The following DTNB variants were observed in gnomAD, a reference collection of about 807,000 sequenced individuals.
DTNB encodes DTN-B.
DTNB carries 63 observed loss-of-function variants against 90.7 expected under a neutral mutation model. That is an observed-to-expected ratio of 0.69 (90% CI 0.57 to 0.86). The LOEUF (loss-of-function observed/expected upper bound fraction) is 0.86, where lower values mean the gene tolerates loss of function less well. DTNB is among the 40% of genes least tolerant of loss of function. The probability of loss-of-function intolerance (pLI) is 0.00; values close to 1 mark genes in which losing one functional copy is unlikely to be tolerated. For synonymous variants in DTNB, 277 were observed against 286.7 expected, an observed-to-expected ratio of 0.97 and a Z score of 0.34; for missense variants, 744 against 807.1, an observed-to-expected ratio of 0.92 and a Z score of 0.95.
chr2:25,415,014 G>A (rs970195879), intron 16 of DTNB, among the ~76,000 whole-genome samples: 1 of 152,170 alleles, frequency 6.6e-6, no homozygotes, highest in Non-Finnish European at 1.5e-5. Flanking sequence ...AGAAGGGAAA[G>A]AGGGGGGAAG....
intron 5 of DTNB, among the ~76,000 whole-genome samples, chr2:25,606,856 GTTA>G (rs2067222969): frequency 6.6e-6 from 1 of 152,154 alleles, no homozygotes; most frequent in Non-Finnish European, 1.5e-5. Flanking sequence ...GAAGAATGGA[GTTA>G]TTAAGAGCTA....
intron 9 of DTNB, among the ~76,000 whole-genome samples, chr2:25,498,847 CAAAA>C (rs34017287): frequency 1.5e-5 from 1 of 65,022 alleles, no homozygotes; most frequent in Non-Finnish European, 2.8e-5. Context: ...AACCCTGTCT[CAAAA>C]AAAAAAAAAA....
chr2:25,656,283 T>G (rs2082051863), intron 1 of DTNB, among the ~76,000 whole-genome samples: 3 of 152,236 alleles, frequency 2.0e-5, no homozygotes, highest in African/African-American at 7.2e-5. Context: ...CAGTCAAAGG[T>G]GACTCCATGC....
At chr2:25,660,636 T>C (rs991862714) in intron 1 of DTNB, among the ~76,000 whole-genome samples, 1 of 152,224 alleles carries the variant, frequency 6.6e-6, no homozygotes, top group Non-Finnish European at 1.5e-5. Flanking sequence ...TGCATAACCC[T>C]AAGGTAATCG....
At chr2:25,478,424 G>A (rs1016681305) in intron 10 of DTNB, among the ~76,000 whole-genome samples, 3 of 152,184 alleles carry the variant, frequency 2.0e-5, no homozygotes, top group African/African-American at 7.2e-5. Context: ...GGGAAGGCTT[G>A]TGTGTGTGCA....
At chr2:25,486,325 G>A (rs1407680433) in intron 9 of DTNB, among the ~76,000 whole-genome samples, 1 of 152,034 alleles carries the variant, frequency 6.6e-6, no homozygotes, top group Non-Finnish European at 1.5e-5. Context: ...TTAGCTGGGT[G>A]TGGCGGCGCA....
At chr2:25,494,088 G>A (rs2068211331) in intron 9 of DTNB, among the ~76,000 whole-genome samples, 2 of 152,154 alleles carry the variant, frequency 1.3e-5, no homozygotes, top group Non-Finnish European at 2.9e-5. Context: ...AGGTTGTGGG[G>A]GGAAGACAGT....
intron 8 of DTNB, among the ~76,000 whole-genome samples, chr2:25,554,562 A>G (rs2056947679): frequency 6.6e-6 from 1 of 152,148 alleles, no homozygotes; most frequent in Non-Finnish European, 1.5e-5. Flanking sequence ...CAAGGATTCC[A>G]CTCCTAAAAA....
At position 25,427,725 on chromosome 2, in the gene DTNB, C is replaced by A. The variant is rs540229842; in HGVS notation, c.1458-94G>T. Reference sequence around the variant, plus strand: ...ATTTCAGACCTGATCCTGCTACTTACCAGTTATGAGACGCTGAGCAAGTCA... The same window carrying A: ...ATTTCAGACCTGATCCTGCTACTTAACAGTTATGAGACGCTGAGCAAGTCA... On this transcript the variant is annotated intron_variant, in intron 14 of 20. Coordinates refer to ENST00000406818, the MANE Select transcript of DTNB (RefSeq NM_021907.5). 9.6e-5 allele frequency: 116 copies of A among 1,205,600 alleles called. No individual in the cohort carries two copies. In the African/African-American group the frequency reaches 1.7e-3, roughly 18 times the overall value. 74.7% of individuals were successfully genotyped at this position (1,205,600 alleles called of 1,614,324 possible). A position where few individuals can be genotyped will look rare whatever the true frequency, so the allele number is the denominator to read the frequency against.
intron 4 of DTNB, among the ~76,000 whole-genome samples, chr2:25,618,991 C>T (rs567419399): frequency 5.4e-4 from 82 of 152,280 alleles, no homozygotes; most frequent in African/African-American, 1.9e-3. Context: ...CTTCTGAAGC[C>T]TCTGAAGTCC....
chr2:25,467,031 C>T (rs1423105631), intron 10 of DTNB, among the ~76,000 whole-genome samples: 1 of 152,136 alleles, frequency 6.6e-6, no homozygotes, highest in Non-Finnish European at 1.5e-5. Context: ...GATAGTCCTT[C>T]TACCAGTTAC....
intron 10 of DTNB, among the ~76,000 whole-genome samples, chr2:25,480,914 C>T (rs1192472676): frequency 6.6e-6 from 1 of 152,116 alleles, no homozygotes; most frequent in Non-Finnish European, 1.5e-5. Context: ...GTGGGACAGG[C>T]TTAATTGCTT....
In DTNB at chr2:25,427,539, A is replaced by G. The variant is rs1212774579; in HGVS notation, c.1550T>C (p.Leu517Pro). The G allele has an allele frequency of 6.2e-7, 1 of 1,613,790 alleles. No individual in the cohort carries two copies. Among genetic ancestry groups the G allele is most frequent in the Non-Finnish European group, 8.5e-7 (1 of 1,179,786 alleles). Residue 517 changes from leucine (L) to proline (P), a missense_variant, in exon 15 of 21, where the codon CTG becomes CCG. Transcript: ENST00000406818. ...GCGTGGGCCACGGGCTCTTACCTTCAGCAACTTCATCAGCTCTTCCAGCTG... is the reference window on the plus strand; with the variant it reads ...GCGTGGGCCACGGGCTCTTACCTTCGGCAACTTCATCAGCTCTTCCAGCTG... Reference protein sequence around the residue: ...MVQLEELMKLLKEEEQKQAAQ... With the variant: ...MVQLEELMKLPKEEEQKQAAQ...
chr2:25,501,327 G>A (rs1192426851), intron 9 of DTNB, among the ~76,000 whole-genome samples: 5 of 151,948 alleles, frequency 3.3e-5, no homozygotes, highest in Non-Finnish European at 7.4e-5. Flanking sequence ...GGATCCTCCT[G>A]CCTCTCAGCT....
At chr2:25,457,285 C>G (rs2060197158) in intron 10 of DTNB, among the ~76,000 whole-genome samples, 1 of 152,224 alleles carries the variant, frequency 6.6e-6, no homozygotes, top group South Asian at 2.1e-4. Flanking sequence ...GCTGAGAATA[C>G]AGGTGTGAGC....
chr2:25,471,371 G>A (rs1348742569), intron 10 of DTNB, among the ~76,000 whole-genome samples: 2 of 150,608 alleles, frequency 1.3e-5, no homozygotes, highest in African/African-American at 4.9e-5. Context: ...TTCCCAACAC[G>A]AAGTGCATGA....
At chr2:25,491,150 C>CACACAG (rs1453719582) in intron 9 of DTNB, among the ~76,000 whole-genome samples, 2 of 115,390 alleles carry the variant, frequency 1.7e-5, no homozygotes, top group African/African-American at 7.4e-5. Context: ...CACACACACA[C>CACACAG]ACACACAGAC....
chr2:25,444,534 C>CAA (rs5829977), intron 12 of DTNB, among the ~76,000 whole-genome samples: 2 of 116,358 alleles, frequency 1.7e-5, no homozygotes, highest in African/African-American at 6.3e-5. Flanking sequence ...GACTCCATCT[C>CAA]AAAAAAAAAA....
chr2:25,463,574 A>G (rs1229750018), intron 10 of DTNB, among the ~76,000 whole-genome samples: 1 of 152,254 alleles, frequency 6.6e-6, no homozygotes, highest in African/African-American at 2.4e-5. Flanking sequence ...TGAATTGTAC[A>G]TCTTGAATGG....
Sources: allele counts gnomAD v4.1 joint callset (sites outside exome capture counted in the v4.1 genomes callset), GRCh38; gene constraint gnomAD v4.1.1; transcripts MANE v1.5; gene names NCBI Gene and HGNC (gene_info 2026-07-23, HGNC 2026-07-21).